Variants in TULP4 observed in about 807,000 individuals in gnomAD.
The protein encoded by TULP4 is tubby-related protein 4.
A neutral mutation model predicts 129.0 loss-of-function variants in TULP4; 16 were observed. The ratio of observed to expected loss-of-function variants is 0.12; its 90% CI spans 0.08 to 0.19. The LOEUF (loss-of-function observed/expected upper bound fraction) is 0.19. TULP4 is among the 10% of genes least tolerant of loss of function. TULP4 has a pLI of 1.00. For missense variants in TULP4, 1,842 were observed against 2,059.1 expected (o/e 0.89, Z 2.04); for synonymous variants, 998 against 854.0 (o/e 1.17, Z -2.94).
At chr6:158,367,219 A>G (rs1776938465) in intron 1 of TULP4, among the ~76,000 whole-genome samples, 2 of 152,218 alleles carry the variant, frequency 1.3e-5, no homozygotes, top group Non-Finnish European at 2.9e-5. Context: ...CTTCTTGGGC[A>G]CTGAGGACTC....
At chr6:158,331,712 C>CGTATAT (rs1779883507) in intron 1 of TULP4, among the ~76,000 whole-genome samples, 1 of 24,056 alleles carries the variant, frequency 4.2e-5, no homozygotes, top group Non-Finnish European at 1.3e-4. Flanking sequence ...CACACACACA[C>CGTATAT]ACACACACAC....
chr6:158,285,191 A>G (rs567640933), intron 1 of TULP4, among the ~76,000 whole-genome samples: 7 of 152,088 alleles, frequency 4.6e-5, no homozygotes, highest in Admixed American at 2.0e-4. Flanking sequence ...TTGTATTTTT[A>G]TGTTAGCTTT....
intron 1 of TULP4, among the ~76,000 whole-genome samples, chr6:158,389,376 T>G (rs987219150): frequency 5.3e-5 from 8 of 152,180 alleles, no homozygotes; most frequent in African/African-American, 1.7e-4. Flanking sequence ...TGCTTGAGCC[T>G]GGGAGGTGGA....
chr6:158,276,584 CAG>C (rs1778650694), intron 1 of TULP4, among the ~76,000 whole-genome samples: 1 of 151,994 alleles, frequency 6.6e-6, no homozygotes, highest in African/African-American at 2.4e-5. Context: ...ACATGACTCT[CAG>C]AACTGTTGTA....
At chr6:158,374,516 G>C (rs748138178) in intron 1 of TULP4, among the ~76,000 whole-genome samples, 1 of 152,210 alleles carries the variant, frequency 6.6e-6, no homozygotes, top group Admixed American at 6.5e-5. Flanking sequence ...CACAGGAATA[G>C]AAGAGTGCAG....
At chr6:158,391,584 T>C (rs1204786109) in intron 1 of TULP4, among the ~76,000 whole-genome samples, 1 of 152,206 alleles carries the variant, frequency 6.6e-6, no homozygotes, top group African/African-American at 2.4e-5. Flanking sequence ...CTGGGCAGTC[T>C]GAGTGGCAGG....
At chr6:158,460,861 C>CTTATATGAATAT (rs1186211411) in intron 5 of TULP4, among the ~76,000 whole-genome samples, 1 of 150,892 alleles carries the variant, frequency 6.6e-6, no homozygotes, top group Non-Finnish European at 1.5e-5. Flanking sequence ...AGCAGTGGGA[C>CTTATATGAATAT]CAGTACTTAT....
intron 1 of TULP4, among the ~76,000 whole-genome samples, chr6:158,315,264 C>T (rs1018241530): frequency 1.3e-5 from 2 of 151,678 alleles, no homozygotes; most frequent in Admixed American, 6.6e-5. Context: ...TCTCAAGATC[C>T]GGGGCTAGTA....
intron 1 of TULP4, among the ~76,000 whole-genome samples, chr6:158,363,755 G>C (rs1370859037): frequency 6.6e-6 from 1 of 152,100 alleles, no homozygotes; most frequent in Non-Finnish European, 1.5e-5. Flanking sequence ...AAAGTGCTGG[G>C]ATTACAGGCG....
chr6:158,333,959 A>G (rs972273974), intron 1 of TULP4, among the ~76,000 whole-genome samples: 3 of 152,222 alleles, frequency 2.0e-5, no homozygotes, highest in Non-Finnish European at 2.9e-5. Context: ...TATGTACTAC[A>G]CTACTGTAAT....
chr6:158,389,606 C>T (rs1777539562), intron 1 of TULP4, among the ~76,000 whole-genome samples: 1 of 151,918 alleles, frequency 6.6e-6, no homozygotes, highest in Non-Finnish European at 1.5e-5. Context: ...GGATTTTGTA[C>T]AATTTTTTTC....
chr6:158,505,639 G>A (rs1179116795), intron 13 of TULP4, among the ~76,000 whole-genome samples: 3 of 152,228 alleles, frequency 2.0e-5, no homozygotes, highest in African/African-American at 4.8e-5. Context: ...AGTGCAGCCC[G>A]TGTGCTAGGG....
intron 3 of TULP4, among the ~76,000 whole-genome samples, chr6:158,444,955 G>A (rs1779000236): frequency 1.3e-5 from 2 of 152,112 alleles, no homozygotes; most frequent in South Asian, 2.1e-4. Flanking sequence ...AGGACTACAG[G>A]TGCTCACCAC....
chr6:158,329,022 G>T (rs1478697139), intron 1 of TULP4, among the ~76,000 whole-genome samples: 1 of 152,142 alleles, frequency 6.6e-6, no homozygotes, highest in East Asian at 1.9e-4. Flanking sequence ...AAAAACGTGA[G>T]AATTTGTACT....
chr6:158,443,265 A>T (rs1778942000), intron 3 of TULP4, among the ~76,000 whole-genome samples: 2 of 151,938 alleles, frequency 1.3e-5, no homozygotes, highest in African/African-American at 2.4e-5. Flanking sequence ...TATAGACGTG[A>T]GCCACCGCAC....
chr6:158,349,722 G>A lies in TULP4; in HGVS notation c.252+35454G>A, dbSNP rs535540469. 3.7e-3 allele frequency among the ~76,000 whole-genome samples: 527 copies of A among 141,360 alleles called. 27 individuals carry two copies. The highest frequency in any genetic ancestry group is 6.0e-3 in the Non-Finnish European group (391 of 64,874). The allele number at this position is 141,360 out of a possible 152,430, so 92.7% of individuals were successfully genotyped here. A position where few individuals can be genotyped will look rare whatever the true frequency, so the allele number is the denominator to read the frequency against. On this transcript the variant is annotated intron_variant, in intron 1 of 13. Transcript: ENST00000367097. The stretch of plus-strand genomic sequence containing the variant: ...CTCACTTCCCAGACGATGGGCGGCC[G>A]GGCAGAGGTGCTCCTCAATTCCCAG...
At chr6:158,461,164 C>A (rs1471520255) in intron 5 of TULP4, among the ~76,000 whole-genome samples, 1 of 152,194 alleles carries the variant, frequency 6.6e-6, no homozygotes, top group African/African-American at 2.4e-5. Context: ...GTAATCCCAG[C>A]ACTTTGGGAG....
chr6:158,288,357 TTGTC>T (rs1425110829), intron 1 of TULP4, among the ~76,000 whole-genome samples: 4 of 152,158 alleles, frequency 2.6e-5, no homozygotes, highest in Non-Finnish European at 4.4e-5. Flanking sequence ...TCTTTCTACT[TTGTC>T]TGGGATTTCT....
Position 158,241,364 on chromosome 6 carries a change from A to G in TULP4, n.68+9061A>G, listed in dbSNP as rs1000357078. ...GGGTGGCGGCCGGGCAGAGGCTGCA[A>G]TCTCGGCACTTTGGGAGGCCAAGGC... is the stretch of plus-strand genomic sequence containing the variant. On this transcript the variant is annotated intron_variant and non_coding_transcript_variant, in intron 1 of 1. Transcript: ENST00000620026. Among the ~76,000 whole-genome samples the G allele has an allele frequency of 2.9e-5, 4 of 135,656 alleles. No homozygotes were observed. The South Asian group carries it at 7.1e-4, about 24-fold the overall frequency. 89.0% of individuals were successfully genotyped at this position (135,656 alleles called of 152,430 possible).
Sources: allele counts gnomAD v4.1 joint callset (sites outside exome capture counted in the v4.1 genomes callset), GRCh38; gene constraint gnomAD v4.1.1; transcripts MANE v1.5; gene names NCBI Gene and HGNC (gene_info 2026-07-23, HGNC 2026-07-21).